The following NTN4 variants were observed in gnomAD, a reference collection of about 807,000 sequenced individuals.
NTN4 encodes netrin-4.
In NTN4, 32 loss-of-function variants were observed where a neutral mutation model predicts 73.6. That is an observed-to-expected ratio of 0.44 (90% confidence interval 0.33 to 0.58). The LOEUF (loss-of-function observed/expected upper bound fraction) is 0.58. Among genes scored for constraint, NTN4 ranks in the 20% least tolerant of loss-of-function variants. The pLI is 0.04. For missense variants in NTN4, 654 were observed against 798.3 expected, an observed-to-expected ratio of 0.82 and a Z score of 2.18; for synonymous variants, 258 against 287.5, an observed-to-expected ratio of 0.90 and a Z score of 1.04.
chr12:95,661,882 C>T (rs1489877570), intron 9 of NTN4, among the ~76,000 whole-genome samples: 3 of 152,122 alleles, frequency 2.0e-5, no homozygotes, highest in African/African-American at 7.2e-5. Flanking sequence ...CTAGATATAA[C>T]GTGTGATCCT....
At chr12:95,677,427 T>C (rs1405944008) in intron 7 of NTN4, among the ~76,000 whole-genome samples, 1 of 151,790 alleles carries the variant, frequency 6.6e-6, no homozygotes, top group Admixed American at 6.6e-5. Context: ...TATAAATAAT[T>C]GCAGAGAATA....
rs907925552 is a variant in NTN4, at chr12:95,781,358, A to G, written c.585+5581T>C. Among the ~76,000 whole-genome samples the G allele has an allele frequency of 6.6e-6, 1 of 152,200 alleles. No individual in the cohort carries two copies. The highest frequency in any genetic ancestry group is 2.1e-4 in the South Asian group (1 of 4,826). On this transcript the variant is annotated intron_variant, in intron 2 of 9. Coordinates refer to ENST00000343702, the MANE Select transcript of NTN4 (RefSeq NM_021229.4). The surrounding 1 kb of genome is among the most constrained non-coding windows in gnomAD (Gnocchi z 4.1). ...TAAAGCAAATGTGACCCTTAATTAT[A>G]GGTTTTGTTCACTCATGAAAACTTG...
chr12:95,744,195 C>A (rs561214840), intron 2 of NTN4, among the ~76,000 whole-genome samples: 1 of 152,220 alleles, frequency 6.6e-6, no homozygotes, highest in Admixed American at 6.5e-5. Context: ...AGCCACCGTG[C>A]CCCGCCAACA....
chr12:95,758,856 A>G (rs570093560), intron 2 of NTN4, among the ~76,000 whole-genome samples: 4 of 152,310 alleles, frequency 2.6e-5, no homozygotes, highest in Non-Finnish European at 2.9e-5. Flanking sequence ...GTGCCTGTCC[A>G]GTTTTTAATT....
chr12:95,672,784 G>A, intron 7 of NTN4: 1 of 1,313,962 alleles, frequency 7.6e-7, no homozygotes, highest in Non-Finnish European at 1.1e-6. Context: ...GGACACTATT[G>A]CCAGCGCTCT....
intron 7 of NTN4, among the ~76,000 whole-genome samples, chr12:95,677,405 A>T (rs1456527644): frequency 6.6e-6 from 1 of 152,174 alleles, no homozygotes. Flanking sequence ...GTAACAGATG[A>T]TTCTATTTTT....
chr12:95,732,622 C>A (rs373531863), intron 3 of NTN4, among the ~76,000 whole-genome samples: 2 of 152,078 alleles, frequency 1.3e-5, no homozygotes, highest in African/African-American at 4.8e-5. Flanking sequence ...GGGCAGATCA[C>A]TCCTGACTTC....
chr12:95,682,926 T>C, intron 6 of NTN4, 104 bp from the exon 7 acceptor site: 1 of 620,988 alleles, frequency 1.6e-6, no homozygotes, highest in Non-Finnish European at 2.8e-6. Context: ...CTTCCCATTC[T>C]TCCTTTTTCC....
intron 7 of NTN4, among the ~76,000 whole-genome samples, chr12:95,675,899 T>G (rs992276574): frequency 6.6e-6 from 1 of 152,108 alleles, no homozygotes; most frequent in African/African-American, 2.4e-5. Flanking sequence ...ACCAACCACG[T>G]ACACAAAACT....
intron 8 of NTN4, among the ~76,000 whole-genome samples, chr12:95,667,448 G>A (rs1269509763): frequency 1.3e-5 from 2 of 151,894 alleles, no homozygotes; most frequent in Non-Finnish European, 2.9e-5. Context: ...TATCTTGGCT[G>A]GTCTCATACT....
chr12:95,677,841 C>T (rs560915710), intron 7 of NTN4, among the ~76,000 whole-genome samples: 2 of 152,306 alleles, frequency 1.3e-5, no homozygotes, highest in South Asian at 4.1e-4. Flanking sequence ...ACTGGGTATA[C>T]ACCCAAAGGA....
chr12:95,764,813 G>A (rs2079010080), intron 2 of NTN4, among the ~76,000 whole-genome samples: 4 of 152,114 alleles, frequency 2.6e-5, no homozygotes. Context: ...TTTGATTACA[G>A]TACTTCAAAT....
chr12:95,750,803 C>G (rs2078901066), intron 2 of NTN4, among the ~76,000 whole-genome samples: 1 of 152,182 alleles, frequency 6.6e-6, no homozygotes, highest in Admixed American at 6.5e-5. Context: ...CCCAATTCTT[C>G]CTCAGCCTCT....
At chr12:95,720,964 G>T (rs1293902350) in intron 3 of NTN4, among the ~76,000 whole-genome samples, 2 of 152,032 alleles carry the variant, frequency 1.3e-5, no homozygotes, top group African/African-American at 2.4e-5. Context: ...AACTATTATT[G>T]CCCAGTTTCA....
intron 5 of NTN4, among the ~76,000 whole-genome samples, chr12:95,688,711 T>C (rs1335677158): frequency 6.7e-6 from 1 of 150,176 alleles, no homozygotes; most frequent in Non-Finnish European, 1.5e-5. Context: ...GAAACATCCA[T>C]AGGTACTGGC....
intron 3 of NTN4, among the ~76,000 whole-genome samples, chr12:95,729,319 T>C (rs2078718596): frequency 6.6e-6 from 1 of 151,956 alleles, no homozygotes; most frequent in Non-Finnish European, 1.5e-5. Flanking sequence ...AACCATAATC[T>C]TCTCTATTTT....
At chr12:95,683,846 G>A (rs1207072321) in intron 5 of NTN4, 135 bp from the exon 6 acceptor site, 13 of 631,406 alleles carry the variant, frequency 2.1e-5, no homozygotes, top group Non-Finnish European at 3.7e-5. Flanking sequence ...GCCAGTGAGT[G>A]TATGCTCAGA....
At chr12:95,674,204 C>G (rs2078256094) in intron 7 of NTN4, among the ~76,000 whole-genome samples, 2 of 152,086 alleles carry the variant, frequency 1.3e-5, no homozygotes, top group Non-Finnish European at 2.9e-5. Context: ...AAGTGAATAG[C>G]CTATGGCCTT....
chr12:95,706,583 T>C (rs2078523361), intron 5 of NTN4, among the ~76,000 whole-genome samples: 1 of 152,252 alleles, frequency 6.6e-6, no homozygotes, highest in African/African-American at 2.4e-5. Context: ...ATTATTGTGA[T>C]GGCTCCTAGT....
Sources: allele counts gnomAD v4.1 joint callset (sites outside exome capture counted in the v4.1 genomes callset), GRCh38; gene constraint gnomAD v4.1.1; non-coding constraint Gnocchi (gnomAD v3.1); transcripts MANE v1.5; gene names NCBI Gene and HGNC (gene_info 2026-07-23, HGNC 2026-07-21).